Variants in TYW1 observed in about 807,000 individuals in gnomAD.
TYW1 encodes S-adenosyl-L-methionine-dependent tRNA 4-demethylwyosine synthase TYW1.
TYW1 carries 46 observed loss-of-function variants against 96.2 expected under a neutral mutation model. That is an observed-to-expected ratio of 0.48 (90% CI 0.38 to 0.61). TYW1 has a LOEUF of 0.61. Ranked by LOEUF, TYW1 falls within the 20% of genes least tolerant of loss-of-function variation. TYW1 has a pLI of 0.00. For synonymous variants in TYW1, 274 were observed against 323.0 expected (o/e 0.85, Z 1.63); for missense variants, 684 against 909.6 (o/e 0.75, Z 3.19).
chr7:67,072,934 GTT>G (rs529812538), intron 10 of TYW1, among the ~76,000 whole-genome samples: 178 of 71,240 alleles, frequency 2.5e-3, no homozygotes, highest in African/African-American at 3.5e-3. Flanking sequence ...TGCCTATCCA[GTT>G]TTTTTTTTTT....
chr7:67,075,219 A>G (rs1796164978), intron 10 of TYW1, among the ~76,000 whole-genome samples: 1 of 152,200 alleles, frequency 6.6e-6, no homozygotes, highest in African/African-American at 2.4e-5. Flanking sequence ...GATACCACAT[A>G]TTTACCATTG....
At chr7:67,135,733 C>T (rs1483899813) in intron 13 of TYW1, among the ~76,000 whole-genome samples, 2 of 152,064 alleles carry the variant, frequency 1.3e-5, no homozygotes, top group Non-Finnish European at 2.9e-5. Flanking sequence ...CCAGCAAATC[C>T]ACCCTGTCCA....
At chr7:67,229,252 T>G (rs1052265217) in intron 15 of TYW1, among the ~76,000 whole-genome samples, 7 of 152,108 alleles carry the variant, frequency 4.6e-5, no homozygotes, top group African/African-American at 1.4e-4. Flanking sequence ...GAATTTAGAA[T>G]ATAGGCCGGG....
rs1368991743 is a variant in TYW1 at position 67,072,614 on chromosome 7, T to C, written c.1274+5211T>C. The stretch of plus-strand genomic sequence containing the variant: ...TTTAACATAAGCAGAGAGAGAACAA[T>C]ATATTAAACCTCGGTGAACATTTAT... On this transcript the variant is annotated intron_variant, in intron 10 of 15. Coordinates refer to ENST00000359626, the MANE Select transcript of TYW1 (RefSeq NM_018264.4). Among the ~76,000 whole-genome samples the C allele has an allele frequency of 2.6e-5, 4 of 152,156 alleles. No individual in the cohort carries two copies. The East Asian group carries it at 7.7e-4, about 29-fold the overall frequency.
At chr7:67,002,483 T>C (rs1437421604) in intron 3 of TYW1, among the ~76,000 whole-genome samples, 2 of 152,250 alleles carry the variant, frequency 1.3e-5, no homozygotes, top group Non-Finnish European at 2.9e-5. Flanking sequence ...CGTAGCTTCA[T>C]TGTCTTCCAG....
intron 5 of TYW1, among the ~76,000 whole-genome samples, chr7:67,015,633 A>G (rs1793989946): frequency 6.6e-6 from 1 of 152,174 alleles, no homozygotes; most frequent in Admixed American, 6.6e-5. Flanking sequence ...GATTACAGGC[A>G]TGAACGTGTC....
chr7:67,201,916 A>G (rs930715783), intron 15 of TYW1, among the ~76,000 whole-genome samples: 5 of 152,212 alleles, frequency 3.3e-5, no homozygotes, highest in African/African-American at 1.2e-4. Context: ...CCTAACGTTG[A>G]AACTGGGAAC....
chr7:67,012,936 A>C (rs565888547), intron 4 of TYW1, among the ~76,000 whole-genome samples: 62 of 151,844 alleles, frequency 4.1e-4, no homozygotes, highest in South Asian at 1.0e-3. Context: ...AAATCCAAAA[A>C]ACTTCCCATC....
intron 13 of TYW1, among the ~76,000 whole-genome samples, chr7:67,155,040 ATATCTG>A (rs1390952518): frequency 1.3e-5 from 2 of 151,820 alleles, no homozygotes; most frequent in African/African-American, 2.4e-5. Context: ...CTATTTTAGG[ATATCTG>A]TATCTTTGTA....
At chr7:67,218,711 A>G (rs1801283787) in intron 15 of TYW1, among the ~76,000 whole-genome samples, 1 of 152,120 alleles carries the variant, frequency 6.6e-6, no homozygotes, top group Non-Finnish European at 1.5e-5. Flanking sequence ...ATTGTTCATT[A>G]TTAGTATGTG....
chr7:67,162,231 G>A (rs1242254340), intron 13 of TYW1, among the ~76,000 whole-genome samples: 3 of 150,414 alleles, frequency 2.0e-5, no homozygotes, highest in Non-Finnish European at 3.0e-5. Context: ...GGAGAATGGC[G>A]TGAACCCGGG....
intron 12 of TYW1, 79 bp from the exon 13 acceptor site, chr7:67,117,404 C>A: frequency 6.6e-7 from 1 of 1,506,730 alleles, no homozygotes; most frequent in Middle Eastern, 1.9e-4. Context: ...ATGTCTATTA[C>A]AGATTGCAGG....
chr7:67,136,381 T>TGAA lies in TYW1; in HGVS notation c.1698+18763_1698+18764insGAA, dbSNP rs1798255264. ...TTTCATGGGTTAGCGTATGAAACTA[T>TGAA]TACAGTTATGTAATTCTGTAGTGAT... On this transcript the variant is annotated intron_variant, in intron 13 of 15. Transcript: ENST00000359626. 2.0e-5 allele frequency among the ~76,000 whole-genome samples: 3 copies of TGAA among 152,248 alleles called. No individual in the cohort carries two copies. The South Asian group carries it at 6.2e-4, about 32-fold the overall frequency.
chr7:67,120,290 C>T (rs1209863726), intron 13 of TYW1, among the ~76,000 whole-genome samples: 3 of 138,160 alleles, frequency 2.2e-5, no homozygotes, highest in Admixed American at 7.0e-5. Flanking sequence ...CCATGTTGGC[C>T]AGGCTGGTCT....
At chr7:67,166,472 C>T (rs188001044) in intron 13 of TYW1, among the ~76,000 whole-genome samples, 1 of 151,046 alleles carries the variant, frequency 6.6e-6, no homozygotes, top group Non-Finnish European at 1.5e-5. Flanking sequence ...ATGAACACAG[C>T]CAGCAAATAG....
At chr7:67,114,882 T>C (rs1563021213) in intron 12 of TYW1, among the ~76,000 whole-genome samples, 1 of 152,188 alleles carries the variant, frequency 6.6e-6, no homozygotes, top group Non-Finnish European at 1.5e-5. Flanking sequence ...CCTTTTCCTC[T>C]TCTCCATTCT....
At chr7:67,218,900 T>A (rs1348704586) in intron 15 of TYW1, among the ~76,000 whole-genome samples, 1 of 152,252 alleles carries the variant, frequency 6.6e-6, no homozygotes, top group Non-Finnish European at 1.5e-5. Context: ...GTATTTCTTC[T>A]TCTTACCTAA....
chr7:67,076,691 A>G lies in TYW1; in HGVS notation c.1275-6739A>G, dbSNP rs1408810323. Among the ~76,000 whole-genome samples the G allele has an allele frequency of 6.6e-5, 10 of 151,064 alleles. No individual in the cohort carries two copies. The East Asian group carries it at 1.8e-3, about 27-fold the overall frequency. On this transcript the variant is annotated intron_variant, in intron 10 of 15. Transcript: ENST00000359626. ...GAGTTTTGCCAAGTTGGCCAGACTG[A>G]TCTTGAACTCCTGACCTCAGGTGAT...
intron 9 of TYW1, among the ~76,000 whole-genome samples, chr7:67,056,986 T>C (rs1415436446): frequency 3.3e-5 from 5 of 151,986 alleles, no homozygotes; most frequent in African/African-American, 4.8e-5. Flanking sequence ...GTGAAGTGGT[T>C]GTGAAGTGGT....
Sources: gnomAD v4.1 joint callset for allele counts (sites outside exome capture counted in the v4.1 genomes callset) on GRCh38, gnomAD v4.1.1 for gene constraint, MANE v1.5 for transcripts, NCBI Gene and HGNC (gene_info 2026-07-23, HGNC 2026-07-21) for gene names.